IGSF21: variants seen among roughly 807,000 people sequenced by gnomAD.
The protein encoded by IGSF21 is immunoglobin superfamily member 21, also known as immunoglobulin superfamily member 21.
In IGSF21, 28 loss-of-function variants were observed where a neutral mutation model predicts 46.8. That is an observed-to-expected ratio of 0.60 (90% confidence interval 0.44 to 0.82). IGSF21 has a LOEUF of 0.82. Among genes scored for constraint, IGSF21 ranks in the 40% least tolerant of loss-of-function variants. The pLI is 0.00. For synonymous variants in IGSF21, 284 were observed against 273.6 expected, an observed-to-expected ratio of 1.04 and a Z score of -0.38; for missense variants, 624 against 665.5, an observed-to-expected ratio of 0.94 and a Z score of 0.69.
In IGSF21 at chr1:18,334,838, G is replaced by C. The variant is rs559969616; in HGVS notation, c.306-54G>C. ...ATCAGGATGAGTTTCCTTGAACGCTGCCTCACCCAGCCCCACGATGAAGGG... is the reference window on the plus strand; with the variant it reads ...ATCAGGATGAGTTTCCTTGAACGCTCCCTCACCCAGCCCCACGATGAAGGG... On this transcript the variant is annotated intron_variant, in intron 3 of 9. Transcript: ENST00000251296. The surrounding 1 kb of genome is among the most constrained non-coding windows in gnomAD (Gnocchi z 4.3). 421 of 1,343,310 alleles carry C rather than the reference G, an allele frequency of 3.1e-4. No homozygotes were observed. The highest frequency in any genetic ancestry group is 9.6e-4 in the Admixed American group (57 of 59,454). The allele number at this position is 1,343,310 out of a possible 1,614,324, so 83.2% of individuals were successfully genotyped here. A position where few individuals can be genotyped will look rare whatever the true frequency, so the allele number is the denominator to read the frequency against.
intron 1 of IGSF21, among the ~76,000 whole-genome samples, chr1:18,108,791 A>G (rs1203888369): frequency 1.3e-5 from 2 of 149,880 alleles, no homozygotes; most frequent in African/African-American, 4.9e-5. Flanking sequence ...GCGGATTACT[A>G]TTTCTGTGTG....
intron 1 of IGSF21, among the ~76,000 whole-genome samples, chr1:18,144,347 G>A (rs1320223952): frequency 2.0e-5 from 3 of 152,108 alleles, no homozygotes; most frequent in Non-Finnish European, 4.4e-5. Flanking sequence ...TAGGAGCCAA[G>A]GGCCCCATGC....
At chr1:18,131,454 A>G (rs2086321201) in intron 1 of IGSF21, among the ~76,000 whole-genome samples, 1 of 152,218 alleles carries the variant, frequency 6.6e-6, no homozygotes, top group Non-Finnish European at 1.5e-5. Context: ...GTTACTTCAC[A>G]TCTCTGATGT....
intron 1 of IGSF21, among the ~76,000 whole-genome samples, chr1:18,209,362 G>C (rs943046177): frequency 6.6e-6 from 1 of 152,200 alleles, no homozygotes. Context: ...TTCTTGGCCT[G>C]TCTCAATGCC....
intron 1 of IGSF21, among the ~76,000 whole-genome samples, chr1:18,142,981 C>A (rs984833378): frequency 9.8e-5 from 15 of 152,336 alleles, no homozygotes; most frequent in African/African-American, 1.9e-4. Flanking sequence ...CAAGTCCCTA[C>A]CCAAAGGGTC....
chr1:18,304,533 C>A (rs920886803), intron 3 of IGSF21, among the ~76,000 whole-genome samples: 1 of 152,246 alleles, frequency 6.6e-6, no homozygotes, highest in South Asian at 2.1e-4. Context: ...GCAAGCCAGC[C>A]GCAGAATCAA....
chr1:18,154,311 AAGGCCGCG>A, intron 1 of IGSF21, among the ~76,000 whole-genome samples: 1 of 152,044 alleles, frequency 6.6e-6, no homozygotes, highest in South Asian at 2.1e-4. Context: ...CATCTCTTTC[AAGGCCGCG>A]AGTCCCATCT....
intron 4 of IGSF21, among the ~76,000 whole-genome samples, chr1:18,361,143 TGTAC>T (rs775524569): frequency 1.6e-4 from 25 of 152,276 alleles, no homozygotes; most frequent in Non-Finnish European, 3.5e-4. Flanking sequence ...CCCATCCAAG[TGTAC>T]GGTACCATCC....
At chr1:18,124,150 A>G (rs2086256712) in intron 1 of IGSF21, among the ~76,000 whole-genome samples, 2 of 152,346 alleles carry the variant, frequency 1.3e-5, no homozygotes, top group South Asian at 4.1e-4. Flanking sequence ...CCTCTCGGCT[A>G]TATGGATCCA....
At chr1:18,307,819 G>A (rs866348717) in intron 3 of IGSF21, among the ~76,000 whole-genome samples, 1 of 152,188 alleles carries the variant, frequency 6.6e-6, no homozygotes, top group Non-Finnish European at 1.5e-5. Flanking sequence ...GGCTGTAGTG[G>A]TTCTCATCTT....
At chr1:18,150,414 G>C (rs866324407) in intron 1 of IGSF21, among the ~76,000 whole-genome samples, 1 of 152,116 alleles carries the variant, frequency 6.6e-6, no homozygotes, top group Admixed American at 6.5e-5. Flanking sequence ...ATGGCGGGGG[G>C]GGTCTCAGGA....
chr1:18,367,447 C>T (rs544730233), intron 6 of IGSF21, among the ~76,000 whole-genome samples: 33 of 152,072 alleles, frequency 2.2e-4, no homozygotes, highest in Middle Eastern at 3.4e-3. Flanking sequence ...TATGTAGCGG[C>T]GTTGAAATTT....
chr1:18,290,191 T>TGTCATTGTTG lies in IGSF21; in HGVS notation c.184-1675_184-1674insGTCATTGTTG. On this transcript the variant is annotated intron_variant, in intron 2 of 9. Coordinates refer to ENST00000251296, the MANE Select transcript of IGSF21 (RefSeq NM_032880.5). The surrounding 1 kb of genome is among the most constrained non-coding windows in gnomAD (Gnocchi z 4.2). ...GAGAATCCTCCTGTCCCCGTCCTCCTCATCTTCCTCCACTCTCATGGTCCC... is the reference window on the plus strand; with the variant it reads ...GAGAATCCTCCTGTCCCCGTCCTCCTGTCATTGTTGCATCTTCCTCCACTCTCATGGTCCC... 6.6e-6 allele frequency among the ~76,000 whole-genome samples: 1 copy of TGTCATTGTTG among 152,268 alleles called. No individual in the cohort carries two copies. The highest frequency in any genetic ancestry group is 6.5e-5 in the Admixed American group (1 of 15,300).
intron 4 of IGSF21, among the ~76,000 whole-genome samples, chr1:18,360,089 G>T (rs759881850): frequency 5.3e-5 from 8 of 152,208 alleles, no homozygotes; most frequent in Non-Finnish European, 1.2e-4. Flanking sequence ...CACATGTTAA[G>T]AACTCAGAAC....
chr1:18,141,205 C>G (rs554840925), intron 1 of IGSF21, among the ~76,000 whole-genome samples: 2 of 152,178 alleles, frequency 1.3e-5, no homozygotes, highest in Non-Finnish European at 1.5e-5. Context: ...AAGGTCTCAT[C>G]TAGTCGGGAG....
chr1:18,344,457 G>A (rs181692953), intron 4 of IGSF21, among the ~76,000 whole-genome samples: 133 of 152,262 alleles, frequency 8.7e-4, no homozygotes, highest in African/African-American at 3.1e-3. Context: ...TGAGGGCTGA[G>A]GGCAGACCTC....
intron 1 of IGSF21, among the ~76,000 whole-genome samples, chr1:18,134,032 T>C (rs9725656): frequency 0.56 from 85,740 of 152,090 alleles, 24,575 homozygotes; most frequent in East Asian, 0.79. Context: ...GAGACAGCAG[T>C]GAGCAGCATG....
chr1:18,331,353 AC>A (rs1391974756), intron 3 of IGSF21, among the ~76,000 whole-genome samples: 1 of 152,092 alleles, frequency 6.6e-6, no homozygotes, highest in Non-Finnish European at 1.5e-5. Flanking sequence ...ATGAGAACAT[AC>A]AATGTTTGGT....
At chr1:18,127,853 G>T (rs558277808) in intron 1 of IGSF21, among the ~76,000 whole-genome samples, 1 of 152,252 alleles carries the variant, frequency 6.6e-6, no homozygotes, top group South Asian at 2.1e-4. Flanking sequence ...AGGTTATAGT[G>T]AGCCATAATT....
Sources: allele counts gnomAD v4.1 joint callset (sites outside exome capture counted in the v4.1 genomes callset), GRCh38; gene constraint gnomAD v4.1.1; non-coding constraint Gnocchi (gnomAD v3.1); transcripts MANE v1.5; gene names NCBI Gene and HGNC (gene_info 2026-07-23, HGNC 2026-07-21).